Variants in NELL2 observed in about 807,000 individuals in gnomAD.
NELL2 encodes protein kinase C-binding protein NELL2.
Under a neutral mutation model 109.6 loss-of-function variants are expected in NELL2, and 41 were observed. The observed-to-expected ratio is 0.37, with a 90% CI of 0.29 to 0.49. The LOEUF (loss-of-function observed/expected upper bound fraction) is 0.49. Ranked by LOEUF, NELL2 falls within the 20% of genes least tolerant of loss-of-function variation. NELL2 has a pLI of 0.98. For missense variants in NELL2, 900 were observed against 1,008.3 expected, an observed-to-expected ratio of 0.89 and a Z score of 1.45; for synonymous variants, 355 against 344.7, an observed-to-expected ratio of 1.03 and a Z score of -0.33.
upstream of NELL2, among the ~76,000 whole-genome samples, chr12:44,916,264 A>C (rs1378847132): frequency 6.6e-6 from 1 of 152,214 alleles, no homozygotes; most frequent in African/African-American, 2.4e-5. Flanking sequence ...TTAAAAGGAA[A>C]GAGATAACTG....
intron 15 of NELL2, among the ~76,000 whole-genome samples, chr12:44,543,152 C>T (rs1276076017): frequency 6.6e-6 from 1 of 152,160 alleles, no homozygotes; most frequent in African/African-American, 2.4e-5. Flanking sequence ...TTATCACCAT[C>T]ATTTCCACTT....
intron 2 of NELL2, among the ~76,000 whole-genome samples, chr12:44,868,994 C>G (rs367707032): frequency 2.9e-4 from 44 of 152,052 alleles, no homozygotes; most frequent in Non-Finnish European, 5.9e-4. Context: ...TAAATGTATA[C>G]AATTTTGTCA....
At chr12:44,657,042 G>T (rs1030739882) in intron 13 of NELL2, among the ~76,000 whole-genome samples, 1 of 152,172 alleles carries the variant, frequency 6.6e-6, no homozygotes, top group Admixed American at 6.5e-5. Context: ...TGAGAAAGGG[G>T]CATGCATGGG....
chr12:44,854,438 T>G (rs960150369), intron 2 of NELL2, among the ~76,000 whole-genome samples: 38 of 152,114 alleles, frequency 2.5e-4, no homozygotes, highest in Non-Finnish European at 1.9e-4. Flanking sequence ...TGTTAAAGAT[T>G]GTCAGAGAGA....
At chr12:44,533,895 ATGCCATAGC>A (rs1565885499) in intron 15 of NELL2, among the ~76,000 whole-genome samples, 1 of 26,948 alleles carries the variant, frequency 3.7e-5, no homozygotes, top group Non-Finnish European at 9.1e-5. Flanking sequence ...TGATAGCCGT[ATGCCATAGC>A]CGAAGGTTCC....
intron 11 of NELL2, among the ~76,000 whole-genome samples, chr12:44,705,046 G>C (rs1414563207): frequency 6.9e-6 from 1 of 145,660 alleles, no homozygotes; most frequent in African/African-American, 2.5e-5. Flanking sequence ...GACTAAAAAA[G>C]TATATTTCAT....
At chr12:44,672,975 C>A (rs1234366330) in intron 12 of NELL2, among the ~76,000 whole-genome samples, 1 of 152,112 alleles carries the variant, frequency 6.6e-6, no homozygotes, top group East Asian at 1.9e-4. Context: ...AAACCTTTTA[C>A]GAACTCAATG....
At chr12:44,819,289 G>GA (rs998943527) in intron 2 of NELL2, among the ~76,000 whole-genome samples, 5 of 152,040 alleles carry the variant, frequency 3.3e-5, no homozygotes, top group Non-Finnish European at 5.9e-5. Context: ...CTTCAAGAAA[G>GA]AAAAAAACTG....
At chr12:44,662,984 T>A (rs1269819660) in intron 13 of NELL2, among the ~76,000 whole-genome samples, 3 of 152,170 alleles carry the variant, frequency 2.0e-5, no homozygotes, top group Non-Finnish European at 4.4e-5. Flanking sequence ...TATGTGGGTG[T>A]CTGTTACTAA....
intron 15 of NELL2, among the ~76,000 whole-genome samples, chr12:44,563,892 G>T (rs1228364070): frequency 6.6e-6 from 1 of 152,128 alleles, no homozygotes; most frequent in Non-Finnish European, 1.5e-5. Context: ...AAAATTCTAT[G>T]ACTATTTCCA....
At chr12:44,576,340 C>T (rs140782879) in intron 15 of NELL2, among the ~76,000 whole-genome samples, 195 of 152,300 alleles carry the variant, frequency 1.3e-3, no homozygotes, top group African/African-American at 4.4e-3. Flanking sequence ...TCTTTCCTCA[C>T]TAAACCATGA....
chr12:44,734,301 T>C (rs1408373718), intron 9 of NELL2, among the ~76,000 whole-genome samples: 3 of 151,936 alleles, frequency 2.0e-5, no homozygotes, highest in Admixed American at 1.3e-4. Context: ...TACCTTTCTT[T>C]TGCATGGTCT....
intron 19 of NELL2, among the ~76,000 whole-genome samples, chr12:44,513,071 A>G (rs1336563213): frequency 2.0e-5 from 3 of 152,018 alleles, no homozygotes; most frequent in Non-Finnish European, 4.4e-5. Flanking sequence ...TACCCCCATA[A>G]ATATGTGCAA....
At chr12:44,669,640 A>G (rs1171643461) in intron 12 of NELL2, among the ~76,000 whole-genome samples, 1 of 150,388 alleles carries the variant, frequency 6.6e-6, no homozygotes, top group Non-Finnish European at 1.5e-5. Context: ...GATCAAGGAG[A>G]AGAAGAAAGA....
chr12:44,599,856 A>T (rs1945130822), intron 15 of NELL2, among the ~76,000 whole-genome samples: 1 of 152,056 alleles, frequency 6.6e-6, no homozygotes, highest in African/African-American at 2.4e-5. Context: ...TTTTAAAATG[A>T]ATTACAATTG....
chr12:44,905,907 C>T (rs1212237131), intron 1 of NELL2, among the ~76,000 whole-genome samples: 3 of 152,004 alleles, frequency 2.0e-5, no homozygotes, highest in Non-Finnish European at 4.4e-5. Context: ...AAAATTGCTA[C>T]ATTCTGAGAG....
intron 15 of NELL2, among the ~76,000 whole-genome samples, chr12:44,579,091 A>C (rs1944226969): frequency 6.6e-6 from 1 of 152,202 alleles, no homozygotes; most frequent in Admixed American, 6.5e-5. Context: ...AGAGATTTTA[A>C]GCCACCTTTT....
chr12:44,835,016 T>C (rs1293395333), intron 2 of NELL2, among the ~76,000 whole-genome samples: 2 of 152,050 alleles, frequency 1.3e-5, no homozygotes, highest in Admixed American at 6.6e-5. Flanking sequence ...CAAAGCCCAA[T>C]TGGGGTCACC....
intron 2 of NELL2, among the ~76,000 whole-genome samples, chr12:44,849,791 G>A (rs1446768647): frequency 6.6e-6 from 1 of 152,118 alleles, no homozygotes; most frequent in African/African-American, 2.4e-5. Context: ...TATTCATACA[G>A]TGAAATAATA....
Sources: allele counts gnomAD v4.1 joint callset (sites outside exome capture counted in the v4.1 genomes callset), GRCh38; gene constraint gnomAD v4.1.1; transcripts MANE v1.5; gene names NCBI Gene and HGNC (gene_info 2026-07-23, HGNC 2026-07-21).